The following NCKAP5 variants were observed in gnomAD, a reference collection of about 807,000 sequenced individuals.
The protein encoded by NCKAP5 is nck-associated protein 5.
A neutral mutation model predicts 167.0 loss-of-function variants in NCKAP5; 92 were observed. The ratio of observed to expected loss-of-function variants is 0.55; its 90% CI spans 0.47 to 0.66. The LOEUF is 0.66. Among genes scored for constraint, NCKAP5 ranks in the 30% least tolerant of loss-of-function variants. The probability of loss-of-function intolerance (pLI) is 0.00; values close to 1 mark genes in which losing one functional copy is unlikely to be tolerated. For synonymous variants in NCKAP5, 891 were observed against 877.4 expected (o/e 1.02, Z -0.27); for missense variants, 2,378 against 2,315.0 (o/e 1.03, Z -0.56).
At position 132,782,082 on chromosome 2, in the gene NCKAP5, T is replaced by A; in HGVS notation, c.4729A>T (p.Asn1577Tyr). The change falls in exon 14 of 20, where the codon AAT becomes TAT. Residue 1577 changes from asparagine to tyrosine, a missense_variant. This residue lies in a region of NCKAP5 where 1,325 missense variants were observed against 1,274.5 expected (regional missense o/e 1.04). Coordinates refer to ENST00000409261, the MANE Select transcript of NCKAP5 (RefSeq NM_207363.3). ...TTGCTTTGTAAACCGCCATCTGGAT[T>A]ATCTGCTGACTTGGTGTCCTTGATA... ...ELIKDTKSAD[N>Y]PDGGLQSKNN... The A allele has an allele frequency of 6.2e-7, 1 of 1,614,088 alleles. No individual in the cohort carries two copies. Among genetic ancestry groups the A allele is most frequent in the Non-Finnish European group, 8.5e-7 (1 of 1,179,898 alleles).
At chr2:132,878,663 T>TAC (rs1490385017) in intron 9 of NCKAP5, among the ~76,000 whole-genome samples, 185 bp downstream of exon 9, 26 of 133,598 alleles carry the variant, frequency 1.9e-4, no homozygotes, top group Non-Finnish European at 3.1e-4. Context: ...CACGCACGCA[T>TAC]ACACACACAC....
Position 133,388,700 on chromosome 2 carries a change from G to C in NCKAP5, c.70-85590C>G, listed in dbSNP as rs763320180. 1.3e-3 allele frequency among the ~76,000 whole-genome samples: 194 copies of C among 152,274 alleles called. 1 individual carries two copies. In the Middle Eastern group the frequency reaches 0.017, roughly 13 times the overall value. On this transcript the variant is annotated intron_variant, in intron 3 of 19. Coordinates refer to ENST00000409261, the MANE Select transcript of NCKAP5 (RefSeq NM_207363.3). ...GGGATCCACCCAGTCCAAGCTTCCC[G>C]GCCACTTTGTTTACCTACTCAAGTC... is the stretch of plus-strand genomic sequence containing the variant.
chr2:132,778,187 T>A (rs1396342644), intron 15 of NCKAP5, among the ~76,000 whole-genome samples: 1 of 152,086 alleles, frequency 6.6e-6, no homozygotes, highest in African/African-American at 2.4e-5. Context: ...AATGATTTTA[T>A]ATAATTTAAA....
At position 132,722,651 on chromosome 2, in the gene NCKAP5, C is replaced by T. The variant is rs1194961584; in HGVS notation, c.5713+2976G>A. ...GCCTCCCACCTACCCACCACTTCCA[C>T]TTGCAGGCTTAATGGGCCCCCAAAT... On this transcript the variant is annotated intron_variant, in intron 19 of 19. Coordinates refer to ENST00000409261, the MANE Select transcript of NCKAP5 (RefSeq NM_207363.3). Among the ~76,000 whole-genome samples, 23 of 152,194 alleles carry T rather than the reference C, an allele frequency of 1.5e-4. 1 individual carries two copies. Among genetic ancestry groups the T allele is most frequent in the African/African-American group, 4.8e-4 (20 of 41,524 alleles).
chr2:133,663,139 G>A, the NCKAP5 span, among the ~76,000 whole-genome samples: 3 of 152,074 alleles, frequency 2.0e-5, no homozygotes, highest in African/African-American at 7.2e-5. Flanking sequence ...GGTGGCGGGC[G>A]CCTGTAGTCC....
rs555881058 is a variant in NCKAP5 at position 133,505,005 on chromosome 2, T to C, written c.69+12453A>G. On this transcript the variant is annotated intron_variant, in intron 3 of 19. Coordinates refer to ENST00000409261, the MANE Select transcript of NCKAP5 (RefSeq NM_207363.3). The stretch of plus-strand genomic sequence containing the variant: ...AAAGGAGGGTTCCTCAGGCCAGTCA[T>C]CCAGCCTGATTCTATCAGGAGCATG... Among the ~76,000 whole-genome samples, 134 of 152,254 alleles carry C rather than the reference T, an allele frequency of 8.8e-4. 2 individuals carry two copies. In the Middle Eastern group the frequency reaches 0.014, roughly 15 times the overall value.
chr2:133,504,124 T>C (rs935609333), intron 3 of NCKAP5, among the ~76,000 whole-genome samples: 4 of 152,058 alleles, frequency 2.6e-5, no homozygotes, highest in African/African-American at 7.2e-5. Flanking sequence ...CAACTGCAAA[T>C]TGAATTTTTG....
intron 6 of NCKAP5, among the ~76,000 whole-genome samples, chr2:133,028,711 T>C (rs2078779143): frequency 6.6e-6 from 1 of 152,220 alleles, no homozygotes; most frequent in Non-Finnish European, 1.5e-5. Flanking sequence ...TTTAGATATG[T>C]GTCCCTACCC....
rs1347980038 is a variant in NCKAP5, at chr2:133,300,342, C to T, written c.143+2695G>A. Among the ~76,000 whole-genome samples the T allele has an allele frequency of 8.2e-5, 11 of 133,858 alleles. 1 individual carries two copies. Among genetic ancestry groups the T allele is most frequent in the East Asian group, 4.1e-4 (2 of 4,852 alleles). 87.8% of individuals were successfully genotyped at this position (133,858 alleles called of 152,430 possible). A position where few individuals can be genotyped will look rare whatever the true frequency, so the allele number is the denominator to read the frequency against. On this transcript the variant is annotated intron_variant, in intron 4 of 19. Coordinates refer to ENST00000409261, the MANE Select transcript of NCKAP5 (RefSeq NM_207363.3). ...CACAACCAAAAAAGAGAATTTTAGA[C>T]GAATATCCTTGATGAACACTGATGC...
At chr2:133,413,657 T>A (rs1041289636) in intron 3 of NCKAP5, among the ~76,000 whole-genome samples, 27 of 152,208 alleles carry the variant, frequency 1.8e-4, no homozygotes, top group African/African-American at 5.3e-4. Context: ...TCACATTTTT[T>A]AAAAAACCTC....
intron 6 of NCKAP5, among the ~76,000 whole-genome samples, chr2:133,101,691 C>A (rs1024459280): frequency 3.3e-5 from 5 of 152,108 alleles, no homozygotes; most frequent in Admixed American, 3.3e-4. Flanking sequence ...CAATTCAATT[C>A]AAAAAATACA....
chr2:132,707,408 T>C (rs781433419), intron 19 of NCKAP5, among the ~76,000 whole-genome samples: 2 of 152,196 alleles, frequency 1.3e-5, no homozygotes, highest in African/African-American at 2.4e-5. Context: ...TGGGGTTCTA[T>C]ATAAACTTGA....
Position 132,927,839 on chromosome 2 carries a change from A to G in NCKAP5, c.579+35881T>C, listed in dbSNP as rs77378851. On this transcript the variant is annotated intron_variant, in intron 8 of 19. Transcript: ENST00000409261. ...AACAGAGGTAATGGGCTTTAATATTAAGAAGTTGGGCAAAGGGGTTCACCA... is the reference window on the plus strand; with the variant it reads ...AACAGAGGTAATGGGCTTTAATATTGAGAAGTTGGGCAAAGGGGTTCACCA... Among the ~76,000 whole-genome samples the G allele has an allele frequency of 2.0e-4, 31 of 152,218 alleles. No homozygotes were observed. In the East Asian group the frequency reaches 5.6e-3, roughly 28 times the overall value.
chr2:132,796,589 C>T (rs779283213), intron 12 of NCKAP5, 39 bp downstream of exon 12: 13 of 1,419,588 alleles, frequency 9.2e-6, no homozygotes, highest in Non-Finnish European at 1.2e-5. Flanking sequence ...GGAAAATAAC[C>T]ACCAAAACAA....
intron 5 of NCKAP5, among the ~76,000 whole-genome samples, chr2:133,142,159 A>G (rs1247703142): frequency 2.0e-5 from 3 of 152,166 alleles, no homozygotes; most frequent in Admixed American, 2.0e-4. Flanking sequence ...GGGAAAACAT[A>G]TACTCTTAAA....
chr2:133,156,913 A>C (rs1171872233), intron 5 of NCKAP5, among the ~76,000 whole-genome samples: 1 of 152,094 alleles, frequency 6.6e-6, no homozygotes, highest in Admixed American at 6.6e-5. Flanking sequence ...CGCCAACCTA[A>C]TCTTACCATT....
intron 6 of NCKAP5, among the ~76,000 whole-genome samples, chr2:133,031,684 T>A (rs2078885977): frequency 1.3e-5 from 2 of 151,950 alleles, no homozygotes; most frequent in Admixed American, 1.3e-4. Context: ...GCTGCACAGC[T>A]CACAGCTACA....
Position 133,236,070 on chromosome 2 carries a change from C to CAAAAAAAAAAA in NCKAP5, c.144-22302_144-22292dup, listed in dbSNP as rs527705526. ...GACAAATCAAGACCCTGTCTCAGAC[C>CAAAAAAAAAAA]AAAAAAAAAAAAAAAAAAAAAAAAA... On this transcript the variant is annotated intron_variant, in intron 4 of 19. Transcript: ENST00000409261. Among the ~76,000 whole-genome samples, 39 of 15,672 alleles carry CAAAAAAAAAAA rather than the reference C, an allele frequency of 2.5e-3. 8 individuals carry two copies. Among genetic ancestry groups the CAAAAAAAAAAA allele is most frequent in the African/African-American group, 3.0e-3 (21 of 7,078 alleles). The allele number at this position is 15,672 out of a possible 152,430, so 10.3% of individuals were successfully genotyped here. A position where few individuals can be genotyped will look rare whatever the true frequency, so the allele number is the denominator to read the frequency against.
chr2:133,539,574 A>T (rs1686056101), intron 2 of NCKAP5, among the ~76,000 whole-genome samples: 1 of 152,204 alleles, frequency 6.6e-6, no homozygotes, highest in African/African-American at 2.4e-5. Flanking sequence ...AGAACAGGCA[A>T]ATAAGAAACA....
Sources: gnomAD v4.1 joint callset for allele counts (sites outside exome capture counted in the v4.1 genomes callset) on GRCh38, gnomAD v4.1.1 for gene constraint, gnomAD v4.1.1 regional missense constraint, MANE v1.5 for transcripts, NCBI Gene and HGNC (gene_info 2026-07-23, HGNC 2026-07-21) for gene names.